The following NOP2 variants were observed in gnomAD, a reference collection of about 807,000 sequenced individuals.
The protein encoded by NOP2 is NOP2 nucleolar protein.
In NOP2, 7 loss-of-function variants were observed where a neutral mutation model predicts 72.7. That is an observed-to-expected ratio of 0.10 (90% CI 0.05 to 0.18). The LOEUF (loss-of-function observed/expected upper bound fraction) is 0.18, where lower values mean the gene tolerates loss of function less well. NOP2 is among the 10% of genes least tolerant of loss of function. NOP2 has a pLI of 1.00. For synonymous variants in NOP2, 387 were observed against 388.0 expected (o/e 1.00, Z 0.03); for missense variants, 954 against 1,014.7 (o/e 0.94, Z 0.81).
intron 9 of NOP2, among the ~76,000 whole-genome samples, chr12:6,562,234 C>T (rs1947671156): frequency 6.6e-6 from 1 of 152,138 alleles, no homozygotes; most frequent in Admixed American, 6.5e-5. Flanking sequence ...AGGTGATCTG[C>T]CCGCCTCGGC....
chr12:6,562,114 C>T (rs1947668135), intron 9 of NOP2, 143 bp from the exon 10 acceptor site: 2 of 662,190 alleles, frequency 3.0e-6, no homozygotes, highest in Admixed American at 2.4e-5. Flanking sequence ...CCTCAGCCTC[C>T]TGAGTAGCTG....
At position 6,560,790 on chromosome 12, in the gene NOP2, G is replaced by C. The variant is rs1947625921; in HGVS notation, c.1348-3C>G. On this transcript the variant is annotated splice_polypyrimidine_tract_variant and splice_region_variant and intron_variant, in intron 12 of 15. Coordinates refer to ENST00000322166, the MANE Select transcript of NOP2 (RefSeq NM_001258308.2). The surrounding 1 kb of genome is among the most constrained non-coding windows in gnomAD (Gnocchi z 5.0). ...ACTCGGTCAAAGCCCCCCACCACCT[G>C]GAGAAAAGATACAGATGAATCATAT... 1.2e-6 allele frequency: 2 copies of C among 1,612,360 alleles called. No homozygotes were observed. Among genetic ancestry groups the C allele is most frequent in the Non-Finnish European group, 1.7e-6 (2 of 1,179,186 alleles).
chr12:6,563,348 A>T lies in NOP2; in HGVS notation c.855T>A (p.Leu285=). The change falls in exon 8 of 16, where the codon CTT becomes CTA. Residue 285 remains leucine, a synonymous_variant. Coordinates refer to ENST00000322166, the MANE Select transcript of NOP2 (RefSeq NM_001258308.2). ...GAGGGAAGAGGTCCATGAGCTTGCCAAGCAGGAAGTCTCCATAGGAGTAGT... is the reference window on the plus strand; with the variant it reads ...GAGGGAAGAGGTCCATGAGCTTGCCTAGCAGGAAGTCTCCATAGGAGTAGT... The part of the protein sequence containing the change: ...AIYYSYGDFL[L]GKLMDLFPLS... 1 of 1,601,104 alleles carries T rather than the reference A, an allele frequency of 6.2e-7. No individual in the cohort carries two copies. Among genetic ancestry groups the T allele is most frequent in the Non-Finnish European group, 8.5e-7 (1 of 1,173,902 alleles).
chr12:6,561,637 A>G (rs371847734), intron 11 of NOP2, 27 bp downstream of exon 11: 31 of 1,608,480 alleles, frequency 1.9e-5, no homozygotes, highest in Non-Finnish European at 2.6e-5. Context: ...CAGCCCGATG[A>G]ATCCCACCTG....
Position 6,560,229 on chromosome 12 carries a change from C to G in NOP2, c.1658G>C (p.Arg553Pro). 6.2e-7 allele frequency: 1 copy of G among 1,613,972 alleles called. No homozygotes were observed. The highest frequency in any genetic ancestry group is 8.5e-7 in the Non-Finnish European group (1 of 1,179,886). ...GLDFGQEGFT[R>P]FRERRFHPSL... ...GGGGTGGAAGCGCCTTTCTCGAAAG[C>G]GGGTAAAACCTTCCTGGCCAAAGTC... is the stretch of plus-strand genomic sequence containing the variant. Residue 553 changes from arginine (R) to proline (P), a missense_variant, in exon 15 of 16, where the codon CGC becomes CCC. Around this residue, in one of 3 missense-constraint regions of NOP2, gnomAD observed 187 missense variants for 276.2 expected, o/e 0.68. Transcript: ENST00000322166. This position sits in a 1 kb window ranked among gnomAD's most constrained non-coding sequence, Gnocchi z 5.0.
chr12:6,560,069 G>A lies in NOP2; in HGVS notation c.1789+29C>T, dbSNP rs780835492. ...CTGAAAGGTGGAAAGAGCAAAGGTG[G>A]TGACGAAGGGAAGAAAAAGATTACT... On this transcript the variant is annotated intron_variant, in intron 15 of 15. Transcript: ENST00000322166. The surrounding 1 kb of genome is among the most constrained non-coding windows in gnomAD (Gnocchi z 5.0). The A allele has an allele frequency of 2.6e-6, 4 of 1,519,570 alleles. No homozygotes were observed. The highest frequency in any genetic ancestry group is 3.7e-6 in the Non-Finnish European group (4 of 1,094,464). 94.1% of individuals were successfully genotyped at this position (1,519,570 alleles called of 1,614,324 possible).
chr12:6,560,847 C>T lies in NOP2; in HGVS notation c.1348-60G>A. 6.2e-7 allele frequency: 1 copy of T among 1,608,480 alleles called. No homozygotes were observed. The highest frequency in any genetic ancestry group is 1.7e-5 in the Admixed American group (1 of 59,088). On this transcript the variant is annotated intron_variant, in intron 12 of 15. Coordinates refer to ENST00000322166, the MANE Select transcript of NOP2 (RefSeq NM_001258308.2). This position sits in a 1 kb window ranked among gnomAD's most constrained non-coding sequence, Gnocchi z 5.0. ...TCTGCAACCAGCAGGGCAATATTTA[C>T]TAGGGTCGAGTCTAAACATTGAGGT...
intron 15 of NOP2, among the ~76,000 whole-genome samples, chr12:6,559,569 C>T (rs146011289): frequency 4.8e-4 from 73 of 152,330 alleles, no homozygotes; most frequent in African/African-American, 1.7e-3. Context: ...CCTCTTCCAA[C>T]TAAACCCAGG....
chr12:6,561,351 T>C (rs1947644493), intron 11 of NOP2, among the ~76,000 whole-genome samples: 1 of 152,258 alleles, frequency 6.6e-6, no homozygotes, highest in Admixed American at 6.5e-5. Context: ...TTATGGCTGC[T>C]GACTATGTGC....
chr12:6,564,053 C>G, intron 5 of NOP2, 107 bp from the exon 6 acceptor site: 1 of 1,538,548 alleles, frequency 6.5e-7, no homozygotes, highest in Admixed American at 2.0e-5. Flanking sequence ...CCAACACTTG[C>G]TCTCAGAAGG....
rs763870745 is a variant in NOP2 at position 6,560,300 on chromosome 12, G to A, written c.1587C>T (p.Asp529=). The part of the protein sequence containing the change: ...ITVEENEWVV[D]YALKKRNVRL... ...GCACATTCCTCTTTTTCAGAGCATA[G>A]TCTACCACCCACTCATTCTCTTCTA... Residue 529 remains aspartate (D), a synonymous_variant, in exon 15 of 16, where the codon GAC becomes GAT. Coordinates refer to ENST00000322166, the MANE Select transcript of NOP2 (RefSeq NM_001258308.2). The surrounding 1 kb of genome is among the most constrained non-coding windows in gnomAD (Gnocchi z 5.0). The A allele has an allele frequency of 1.2e-6, 2 of 1,613,820 alleles. No homozygotes were observed. The highest frequency in any genetic ancestry group is 2.7e-5 in the African/African-American group (2 of 74,922).
chr12:6,564,029 C>G (rs1038227687), intron 5 of NOP2, 83 bp from the exon 6 acceptor site: 1 of 1,548,522 alleles, frequency 6.5e-7, no homozygotes, highest in East Asian at 2.4e-5. Context: ...CTTATTTTTT[C>G]GCTAAATAAA....
chr12:6,560,834 A>T lies in NOP2; in HGVS notation c.1348-47T>A. 6.2e-7 allele frequency: 1 copy of T among 1,608,826 alleles called. No homozygotes were observed. Among genetic ancestry groups the T allele is most frequent in the Non-Finnish European group, 8.5e-7 (1 of 1,177,306 alleles). On this transcript the variant is annotated intron_variant, in intron 12 of 15. Transcript: ENST00000322166. The surrounding 1 kb of genome is among the most constrained non-coding windows in gnomAD (Gnocchi z 5.0). Reference sequence around the variant, plus strand: ...ATCATATGTCTCTTCTGCAACCAGCAGGGCAATATTTACTAGGGTCGAGTC... The same window carrying T: ...ATCATATGTCTCTTCTGCAACCAGCTGGGCAATATTTACTAGGGTCGAGTC...
At position 6,557,059 on chromosome 12, in the gene NOP2, G is replaced by T; in HGVS notation, c.2373C>A (p.Ser791Arg). ...QPPTVSPIRSSRPPPAKRKKS... is the reference protein window; with the variant it reads ...QPPTVSPIRSRRPPPAKRKKS... ...TCTTCCTCTTTGCTGGTGGGGGGCG[G>T]CTGGAACGGATGGGAGACACAGTGG... The change falls in exon 16 of 16, where the codon AGC becomes AGA. Residue 791 changes from serine (S) to arginine (R), a missense_variant. By Grantham distance (110) the Ser-to-Arg change is moderately radical. Around this residue, in one of 3 missense-constraint regions of NOP2, gnomAD observed 269 missense variants for 260.2 expected, o/e 1.03. Transcript: ENST00000322166. 1 of 1,613,986 alleles carries T rather than the reference G, an allele frequency of 6.2e-7. No homozygotes were observed. Among genetic ancestry groups the T allele is most frequent in the Non-Finnish European group, 8.5e-7 (1 of 1,179,896 alleles).
In NOP2 at chr12:6,566,342, G is replaced by A. The variant is rs777875485; in HGVS notation, c.239-6C>T. 6.2e-7 allele frequency: 1 copy of A among 1,608,872 alleles called. No individual in the cohort carries two copies. The highest frequency in any genetic ancestry group is 8.5e-7 in the Non-Finnish European group (1 of 1,176,618). Reference sequence around the variant, plus strand: ...GACAGCTCCTGCAGAGATCCCTAAGGGTTTGAAGAGTCCTGGACTAATGGC... The same window carrying A: ...GACAGCTCCTGCAGAGATCCCTAAGAGTTTGAAGAGTCCTGGACTAATGGC... On this transcript the variant is annotated splice_region_variant and splice_polypyrimidine_tract_variant and intron_variant, in intron 4 of 15. Coordinates refer to ENST00000322166, the MANE Select transcript of NOP2 (RefSeq NM_001258308.2).
intron 15 of NOP2, chr12:6,558,232 C>T (rs973803223): frequency 6.4e-6 from 2 of 314,346 alleles, no homozygotes; most frequent in Admixed American, 4.6e-5. Flanking sequence ...CAGGAAGTAA[C>T]AAGATGCTGT....
In NOP2 at chr12:6,560,744, C is replaced by A. The variant is rs757759276; in HGVS notation, c.1391G>T (p.Ser464Ile). The change falls in exon 13 of 16, where the codon AGT becomes ATT. Residue 464 changes from serine to isoleucine, a missense_variant. Ser to Ile is a moderately radical substitution (Grantham distance 142, BLOSUM62 -2). Coordinates refer to ENST00000322166, the MANE Select transcript of NOP2 (RefSeq NM_001258308.2). This position sits in a 1 kb window ranked among gnomAD's most constrained non-coding sequence, Gnocchi z 5.0. ...FDRVLLDAPC[S>I]GTGVISKDPA... Reference sequence around the variant, plus strand: ...ATCCTTGGAGATGACCCCAGTGCCACTGCAGGGAGCATCCAGCAGTACTCG... The same window carrying A: ...ATCCTTGGAGATGACCCCAGTGCCAATGCAGGGAGCATCCAGCAGTACTCG... 12 of 1,613,496 alleles carry A rather than the reference C, an allele frequency of 7.4e-6. No individual in the cohort carries two copies. The highest frequency in any genetic ancestry group is 2.2e-5 in the East Asian group (1 of 44,872).
rs760776438 is a variant in NOP2 at position 6,560,548 on chromosome 12, A to G, written c.1459T>C (p.Cys487Arg). The G allele has an allele frequency of 1.2e-6, 2 of 1,601,038 alleles. No individual in the cohort carries two copies. The highest frequency in any genetic ancestry group is 1.7e-6 in the Non-Finnish European group (2 of 1,171,920). Residue 487 changes from cysteine (C) to arginine (R), a missense_variant, in exon 14 of 16, where the codon TGT becomes CGT. Physicochemically the swap from Cys to Arg is radical, Grantham distance 180 (BLOSUM62 -3). Around this residue, in one of 3 missense-constraint regions of NOP2, gnomAD observed 187 missense variants for 276.2 expected, o/e 0.68. Coordinates refer to ENST00000322166, the MANE Select transcript of NOP2 (RefSeq NM_001258308.2). This position sits in a 1 kb window ranked among gnomAD's most constrained non-coding sequence, Gnocchi z 5.0. Reference protein sequence around the residue: ...TNKDEKDILRCAHLQKELLLS... With the variant: ...TNKDEKDILRRAHLQKELLLS... ...AGCAACTCCTTCTGGAGGTGAGCAC[A>G]GCGCAGGATGTCCTTCTCATCCTGT...
intron 15 of NOP2, among the ~76,000 whole-genome samples, chr12:6,559,790 C>T (rs77647458): frequency 0.015 from 2,245 of 152,314 alleles, 25 homozygotes; most frequent in Non-Finnish European, 0.022. Flanking sequence ...AGTAAGTCCA[C>T]CCTGTGCCAA....
Sources: allele counts gnomAD v4.1 joint callset (sites outside exome capture counted in the v4.1 genomes callset), GRCh38; gene constraint gnomAD v4.1.1; regional missense constraint gnomAD v4.1.1; non-coding constraint Gnocchi (gnomAD v3.1); transcripts MANE v1.5; gene names NCBI Gene and HGNC (gene_info 2026-07-23, HGNC 2026-07-21).